Variants in MRC1 observed in about 807,000 individuals in gnomAD.
The protein encoded by MRC1 is mannose receptor C-type 1, also known as macrophage mannose receptor 1.
Under a neutral mutation model 102.9 loss-of-function variants are expected in MRC1, and 62 were observed. That is an observed-to-expected ratio of 0.60 (90% confidence interval 0.49 to 0.74). The LOEUF (loss-of-function observed/expected upper bound fraction) is 0.74. Ranked by LOEUF, MRC1 falls within the 30% of genes least tolerant of loss-of-function variation. The probability of loss-of-function intolerance (pLI) is 0.00; values close to 1 mark genes in which losing one functional copy is unlikely to be tolerated. For missense variants in MRC1, 1,237 were observed against 862.8 expected (o/e 1.43, Z -5.43); for synonymous variants, 457 against 298.4 (o/e 1.53, Z -5.48).
intron 8 of MRC1, among the ~76,000 whole-genome samples, chr10:17,854,992 A>G (rs1474964978): frequency 2.6e-5 from 4 of 152,140 alleles, no homozygotes; most frequent in Non-Finnish European, 5.9e-5. Context: ...CGCTTGGCCC[A>G]GAAAACATTT....
chr10:17,870,817 A>G, intron 13 of MRC1, 31 bp from the exon 14 acceptor site: 3 of 871,782 alleles, frequency 3.4e-6, no homozygotes, highest in Non-Finnish European at 4.0e-6. Context: ...ATGCAATAGC[A>G]TATGCTTTCT....
At chr10:17,853,531 A>G (rs1833019327) in intron 8 of MRC1, among the ~76,000 whole-genome samples, 1 of 152,010 alleles carries the variant, frequency 6.6e-6, no homozygotes. Flanking sequence ...ATTATAAGCC[A>G]TATATATGAT....
At chr10:17,827,372 CAAAAAAAAAAAAAAAAAAAAAAAAA>C (rs782616938) in intron 2 of MRC1, among the ~76,000 whole-genome samples, 145 bp from the exon 3 acceptor site, 6 of 64,030 alleles carry the variant, frequency 9.4e-5, no homozygotes, top group East Asian at 7.0e-4. Context: ...AAAAAATACC[CAAAAAAAAAAAAAAAAAAAAAAAAA>C]AAAAAAAAAA....
At chr10:17,852,935 G>A in intron 7 of MRC1, 32 bp from the exon 8 acceptor site, 2 of 780,764 alleles carry the variant, frequency 2.6e-6, no homozygotes, top group African/African-American at 1.7e-5. Flanking sequence ...AGCAACCCTT[G>A]TATATACCAC....
At position 17,881,292 on chromosome 10, in the gene MRC1, T is replaced by C. The variant is rs1163514621; in HGVS notation, c.2980+111T>C. The C allele has an allele frequency of 4.2e-5, 30 of 716,066 alleles. No individual in the cohort carries two copies. In the East Asian group the frequency reaches 7.1e-4, roughly 17 times the overall value. The allele number at this position is 716,066 out of a possible 1,614,324, so 44.4% of individuals were successfully genotyped here. ...CTTTTTGGTTTTCCAGTGTAAAAGC[T>C]AAAAAAGTGGAAAAAATCAAATGCT... On this transcript the variant is annotated intron_variant, in intron 21 of 29. Transcript: ENST00000569591.
At position 17,907,530 on chromosome 10, in the gene MRC1, C is replaced by T. The variant is rs781979140; in HGVS notation, c.3914-4C>T. ...TGTCTTTATTGGTTTTATCTGATGA[C>T]CAGGGACGTGGCTGTGGATAAATAA... On this transcript the variant is annotated splice_region_variant and splice_polypyrimidine_tract_variant and intron_variant, in intron 27 of 29. Transcript: ENST00000569591. The T allele has an allele frequency of 1.3e-6, 1 of 780,784 alleles. No individual in the cohort carries two copies. The highest frequency in any genetic ancestry group is 2.4e-5 in the East Asian group (1 of 41,254). 48.4% of individuals were successfully genotyped at this position (780,784 alleles called of 1,614,324 possible).
chr10:17,882,354 A>T (rs1833532131), intron 21 of MRC1, among the ~76,000 whole-genome samples: 1 of 151,858 alleles, frequency 6.6e-6, no homozygotes, highest in Non-Finnish European at 1.5e-5. Flanking sequence ...AAATAGATTT[A>T]GGCTCAAAAT....
At chr10:17,875,326 G>C (rs1324207248) in intron 17 of MRC1, 73 bp downstream of exon 17, 5 of 766,552 alleles carry the variant, frequency 6.5e-6, no homozygotes, top group Non-Finnish European at 1.2e-5. Context: ...GTATGGAAAA[G>C]TTCTTTAGTG....
At chr10:17,903,962 A>C (rs565863375) in intron 26 of MRC1, among the ~76,000 whole-genome samples, 11 of 152,200 alleles carry the variant, frequency 7.2e-5, no homozygotes, top group Admixed American at 2.0e-4. Flanking sequence ...TTTCAAAAGA[A>C]AAAAATCTGG....
intron 19 of MRC1, 60 bp from the exon 20 acceptor site, chr10:17,880,465 A>T (rs1167351927): frequency 3.5e-5 from 27 of 770,206 alleles, no homozygotes; most frequent in African/African-American, 3.2e-4. Context: ...TATATTTTTT[A>T]AAATAATGTT....
chr10:17,841,701 A>G (rs1838752092), intron 5 of MRC1, among the ~76,000 whole-genome samples: 1 of 151,672 alleles, frequency 6.6e-6, no homozygotes, highest in Non-Finnish European at 1.5e-5. Context: ...TCTATTGGGT[A>G]TAAATTCAAT....
intron 3 of MRC1, among the ~76,000 whole-genome samples, chr10:17,831,792 T>C (rs897721281): frequency 1.3e-5 from 2 of 151,668 alleles, no homozygotes; most frequent in African/African-American, 2.4e-5. Flanking sequence ...CATGCCAAAA[T>C]ATTTCATTTG....
At chr10:17,857,254 A>C (rs1336883715) in intron 9 of MRC1, among the ~76,000 whole-genome samples, 1 of 152,194 alleles carries the variant, frequency 6.6e-6, no homozygotes. Flanking sequence ...CAGAGAAGCA[A>C]CGTAGCTTTC....
Position 17,902,123 on chromosome 10 carries a change from G to C in MRC1, c.3799+1G>C, listed in dbSNP as rs1833837344. The C allele has an allele frequency of 1.3e-6, 1 of 779,078 alleles. No homozygotes were observed. The highest frequency in any genetic ancestry group is 1.7e-5 in the African/African-American group (1 of 59,000). The allele number at this position is 779,078 out of a possible 1,614,324, so 48.3% of individuals were successfully genotyped here. A position where few individuals can be genotyped will look rare whatever the true frequency, so the allele number is the denominator to read the frequency against. The stretch of plus-strand genomic sequence containing the variant: ...GCTTCTCTGGAATGTCTTCGAATGG[G>C]TGAGTGCCACATTTCCTGAAGGAAA... On this transcript the variant is annotated splice_donor_variant, in intron 26 of 29. Coordinates refer to ENST00000569591, the MANE Select transcript of MRC1 (RefSeq NM_002438.4). LOFTEE classifies it high-confidence loss of function.
chr10:17,896,848 A>C (rs1762354273), intron 23 of MRC1, among the ~76,000 whole-genome samples: 1 of 152,246 alleles, frequency 6.6e-6, no homozygotes, highest in African/African-American at 2.4e-5. Flanking sequence ...ATGGCAGGTC[A>C]TGCAGGCATA....
intron 4 of MRC1, among the ~76,000 whole-genome samples, chr10:17,836,785 G>A (rs967268709): frequency 7.2e-5 from 11 of 151,850 alleles, no homozygotes; most frequent in African/African-American, 2.2e-4. Flanking sequence ...GCAGTGAGTC[G>A]AGATCGCACC....
At chr10:17,887,476 A>G (rs1222672618) in intron 22 of MRC1, among the ~76,000 whole-genome samples, 2 of 152,222 alleles carry the variant, frequency 1.3e-5, no homozygotes, top group Non-Finnish European at 2.9e-5. Context: ...TTTCATTCTC[A>G]TGACACCAAT....
intron 1 of MRC1, among the ~76,000 whole-genome samples, chr10:17,813,390 T>G (rs1191152983): frequency 6.6e-6 from 1 of 152,180 alleles, no homozygotes; most frequent in African/African-American, 2.4e-5. Context: ...GAAAGATAAT[T>G]ATTATCATGT....
At chr10:17,839,934 C>T (rs936030975) in intron 4 of MRC1, among the ~76,000 whole-genome samples, 10 of 151,438 alleles carry the variant, frequency 6.6e-5, no homozygotes, top group South Asian at 2.1e-4. Flanking sequence ...GGCGTGGTGG[C>T]GGTCACCTGT....
Sources: allele counts gnomAD v4.1 joint callset (sites outside exome capture counted in the v4.1 genomes callset), GRCh38; gene constraint gnomAD v4.1.1; transcripts MANE v1.5; gene names NCBI Gene and HGNC (gene_info 2026-07-23, HGNC 2026-07-21).